B4GALT1: variants seen among roughly 807,000 people sequenced by gnomAD.
B4GALT1 encodes N-acetyllactosamine synthase.
In B4GALT1, 16 loss-of-function variants were observed where a neutral mutation model predicts 34.9. That is an observed-to-expected ratio of 0.46 (90% confidence interval 0.31 to 0.70). The LOEUF is 0.70. B4GALT1 is among the 30% of genes least tolerant of loss of function. B4GALT1 has a pLI of 0.05. For synonymous variants in B4GALT1, 221 were observed against 218.1 expected, an observed-to-expected ratio of 1.01 and a Z score of -0.12; for missense variants, 445 against 530.5, an observed-to-expected ratio of 0.84 and a Z score of 1.58.
At chr9:33,152,737 G>C (rs1208972644) in intron 1 of B4GALT1, among the ~76,000 whole-genome samples, 1 of 152,044 alleles carries the variant, frequency 6.6e-6, no homozygotes, top group Non-Finnish European at 1.5e-5. Flanking sequence ...AGCCAGGTGT[G>C]GTGGCACACA....
At chr9:33,135,911 A>ATGTGTG (rs34931533) in intron 1 of B4GALT1, among the ~76,000 whole-genome samples, 48,932 of 135,666 alleles carry the variant, frequency 0.36, 9,637 homozygotes, top group Admixed American at 0.46. Flanking sequence ...GTGTGTGTGT[A>ATGTGTG]TGTGTGTGTG....
chr9:33,159,373 G>C (rs1017377928), intron 1 of B4GALT1, among the ~76,000 whole-genome samples: 10 of 152,154 alleles, frequency 6.6e-5, no homozygotes, highest in Admixed American at 5.9e-4. Context: ...ACCTCACACT[G>C]TATCCGTCAC....
At chr9:33,164,623 G>T (rs191764188) in intron 1 of B4GALT1, among the ~76,000 whole-genome samples, 1 of 152,176 alleles carries the variant, frequency 6.6e-6, no homozygotes, top group African/African-American at 2.4e-5. Flanking sequence ...GTGACAAGCC[G>T]ATCACTAGCA....
intron 1 of B4GALT1, among the ~76,000 whole-genome samples, chr9:33,146,107 A>G (rs1027753464): frequency 6.6e-6 from 1 of 152,202 alleles, no homozygotes; most frequent in Admixed American, 6.5e-5. Flanking sequence ...ACAAGCTTTT[A>G]AAGCCCAGTA....
intron 2 of B4GALT1, among the ~76,000 whole-genome samples, chr9:33,124,372 G>A (rs929116240): frequency 2.0e-5 from 3 of 152,154 alleles, no homozygotes; most frequent in Admixed American, 1.3e-4. Context: ...TTTAATCCCA[G>A]GAATGCTGGC....
the B4GALT1 span, among the ~76,000 whole-genome samples, chr9:33,183,869 G>GAT: frequency 6.6e-6 from 1 of 152,038 alleles, no homozygotes; most frequent in African/African-American, 2.4e-5. Flanking sequence ...CCTTTGCAGG[G>GAT]ACATGGATGA....
chr9:33,157,121 T>TACCTACACACACACAC (rs1554688667), intron 1 of B4GALT1, among the ~76,000 whole-genome samples: 1 of 113,228 alleles, frequency 8.8e-6, no homozygotes, highest in African/African-American at 4.1e-5. Flanking sequence ...CATAGGGAAC[T>TACCTACACACACACAC]ACACACACAC....
chr9:33,162,000 A>T (rs1840682031), intron 1 of B4GALT1, among the ~76,000 whole-genome samples: 1 of 152,176 alleles, frequency 6.6e-6, no homozygotes, highest in Non-Finnish European at 1.5e-5. Context: ...CCTAGGGTGG[A>T]ATCTGTGGAA....
chr9:33,127,940 G>T (rs1202765102), intron 2 of B4GALT1, among the ~76,000 whole-genome samples: 1 of 152,236 alleles, frequency 6.6e-6, no homozygotes, highest in Non-Finnish European at 1.5e-5. Context: ...AGACCCCAGG[G>T]CCTGAGGATG....
intron 2 of B4GALT1, among the ~76,000 whole-genome samples, chr9:33,122,842 T>C (rs1840041068): frequency 6.6e-6 from 1 of 151,942 alleles, no homozygotes. Flanking sequence ...AAGTCATGGG[T>C]TCAAAGAAAT....
intron 1 of B4GALT1, among the ~76,000 whole-genome samples, chr9:33,153,830 G>A (rs1319048097): frequency 6.6e-6 from 1 of 152,000 alleles, no homozygotes; most frequent in African/African-American, 2.4e-5. Context: ...TACAGAAGAG[G>A]AAGGAACACT....
Position 33,167,278 on chromosome 9 carries a change from A to T in B4GALT1, c.-109T>A. ...CAGCGGCGACTAGGGGAGGGCCCGG[A>T]GCGGGGGCGGGCGAGCGGCTGAGAG... is the stretch of plus-strand genomic sequence containing the variant. On this transcript the variant is annotated 5_prime_UTR_variant, in exon 1 of 6. Coordinates refer to ENST00000379731, the MANE Select transcript of B4GALT1 (RefSeq NM_001497.4). 1 of 1,351,226 alleles carries T rather than the reference A, an allele frequency of 7.4e-7. No homozygotes were observed. Among genetic ancestry groups the T allele is most frequent in the Non-Finnish European group, 9.6e-7 (1 of 1,040,428 alleles). The allele number at this position is 1,351,226 out of a possible 1,614,324, so 83.7% of individuals were successfully genotyped here.
intron 1 of B4GALT1, among the ~76,000 whole-genome samples, chr9:33,143,752 T>C (rs1467262586): frequency 6.6e-6 from 1 of 152,182 alleles, no homozygotes; most frequent in African/African-American, 2.4e-5. Context: ...AAGAATGAGG[T>C]CAAGAAAAAC....
In B4GALT1 at chr9:33,167,122, G is replaced by C; in HGVS notation, c.48C>G (p.Gly16=). The change falls in exon 1 of 6, where the codon GGC becomes GGG. Residue 16 remains glycine (G), a synonymous_variant. Transcript: ENST00000379731. ...PLLSGSAAMP[G]ASLQRACRLL... is the part of the protein sequence containing the mutation. ...GGCGGCAGGCCCGCTGTAGGGACGC[G>C]CCTGGCATCGCGGCGCTGCCGCTCA... is the stretch of plus-strand genomic sequence containing the variant. 1.9e-6 allele frequency: 3 copies of C among 1,602,926 alleles called. No individual in the cohort carries two copies. The highest frequency in any genetic ancestry group is 2.5e-6 in the Non-Finnish European group (3 of 1,177,210).
At chr9:33,166,144 C>G (rs1840748592) in intron 1 of B4GALT1, among the ~76,000 whole-genome samples, 1 of 152,090 alleles carries the variant, frequency 6.6e-6, no homozygotes, top group Non-Finnish European at 1.5e-5. Context: ...GAGGGCTTAC[C>G]CTCATTAATT....
In B4GALT1 at chr9:33,111,264, A is replaced by C. The variant is rs1037432896; in HGVS notation, c.*2190T>G. The C allele has an allele frequency of 2.0e-5, 3 of 150,270 alleles. No individual in the cohort carries two copies. Among genetic ancestry groups the C allele is most frequent in the African/African-American group, 7.3e-5 (3 of 40,902 alleles). 9.3% of individuals were successfully genotyped at this position (150,270 alleles called of 1,614,324 possible). On this transcript the variant is annotated 3_prime_UTR_variant, in exon 6 of 6. Transcript: ENST00000379731. ...GAGAAGGTAACCAAAAAAAAAAAAA[A>C]AAAAAAAAAAAAAACAACAAGAAAA...
At chr9:33,171,818 G>A (rs1336633208), upstream of B4GALT1, among the ~76,000 whole-genome samples, 1 of 152,224 alleles carries the variant, frequency 6.6e-6, no homozygotes, top group African/African-American at 2.4e-5. Context: ...GCCTCCCAAA[G>A]TGCTGAGATT....
At chr9:33,150,276 A>C (rs1269585527) in intron 1 of B4GALT1, among the ~76,000 whole-genome samples, 99 of 149,870 alleles carry the variant, frequency 6.6e-4, no homozygotes, top group Middle Eastern at 3.4e-3. Flanking sequence ...AGAGCGAGAG[A>C]GAGAGAGAGA....
At chr9:33,125,087 G>A (rs1840071616) in intron 2 of B4GALT1, among the ~76,000 whole-genome samples, 1 of 152,234 alleles carries the variant, frequency 6.6e-6, no homozygotes, top group East Asian at 1.9e-4. Flanking sequence ...GAGAAGACAG[G>A]CCCCCAAAAG....
Sources: allele counts gnomAD v4.1 joint callset (sites outside exome capture counted in the v4.1 genomes callset), GRCh38; gene constraint gnomAD v4.1.1; transcripts MANE v1.5; gene names NCBI Gene and HGNC (gene_info 2026-07-23, HGNC 2026-07-21).